Variants in CALN1 observed in about 807,000 individuals in gnomAD.
CALN1 encodes calcium-binding protein 8.
In CALN1, 17 loss-of-function variants were observed where a neutral mutation model predicts 30.6. That is an observed-to-expected ratio of 0.56 (90% CI 0.38 to 0.83). CALN1 has a LOEUF of 0.83. Ranked by LOEUF, CALN1 falls within the 40% of genes least tolerant of loss-of-function variation. The probability of loss-of-function intolerance (pLI) is 0.00; values close to 1 mark genes in which losing one functional copy is unlikely to be tolerated. For missense variants in CALN1, 291 were observed against 354.9 expected (o/e 0.82, Z 1.45); for synonymous variants, 156 against 131.4 (o/e 1.19, Z -1.28).
intron 5 of CALN1, among the ~76,000 whole-genome samples, chr7:71,958,322 C>T (rs1458742603): frequency 6.6e-6 from 1 of 152,094 alleles, no homozygotes; most frequent in Non-Finnish European, 1.5e-5. Flanking sequence ...TATTCTCATA[C>T]TGGTCTTGTT....
chr7:71,846,834 C>CATAT (rs200199028), intron 5 of CALN1, among the ~76,000 whole-genome samples: 1 of 76,970 alleles, frequency 1.3e-5, no homozygotes, highest in African/African-American at 8.1e-5. Flanking sequence ...TGTGTATATA[C>CATAT]ATGTGTATAT....
At chr7:72,276,476 G>T (rs1205455408) in intron 3 of CALN1, among the ~76,000 whole-genome samples, 1 of 152,226 alleles carries the variant, frequency 6.6e-6, no homozygotes, top group Non-Finnish European at 1.5e-5. Flanking sequence ...CAGCCCTCAT[G>T]AATGGGATTA....
At chr7:72,468,436 A>G in the CALN1 span, among the ~76,000 whole-genome samples, 1 of 152,136 alleles carries the variant, frequency 6.6e-6, no homozygotes, top group Non-Finnish European at 1.5e-5. Flanking sequence ...ACATCAGCCT[A>G]CTGAGTAGGC....
At chr7:71,949,115 G>A (rs555691095) in intron 5 of CALN1, among the ~76,000 whole-genome samples, 24 of 151,456 alleles carry the variant, frequency 1.6e-4, no homozygotes, top group Admixed American at 9.9e-4. Context: ...ATGACAGTGC[G>A]GTCTGGACTG....
rs9297115 is a variant in CALN1, at chr7:72,437,525, A to AGTGTGTGTGTGTGTGT, written c.-226+9501_-226+9516dup. On this transcript the variant is annotated intron_variant, in intron 1 of 6. Coordinates refer to the CALN1 transcript ENST00000395276. Reference sequence around the variant, plus strand: ...GAAGGTGAGAAACCCAGTTGTGTGGAGTGTGTGTGTGTGTGTGTGTGTCCA... The same window carrying AGTGTGTGTGTGTGTGT: ...GAAGGTGAGAAACCCAGTTGTGTGGAGTGTGTGTGTGTGTGTGTGTGTGTGTGTGTGTGTGTGTCCA... Among the ~76,000 whole-genome samples the AGTGTGTGTGTGTGTGT allele has an allele frequency of 5.4e-3, 809 of 150,738 alleles. 3 individuals are homozygous for AGTGTGTGTGTGTGTGT. Among genetic ancestry groups the AGTGTGTGTGTGTGTGT allele is most frequent in the Non-Finnish European group, 8.0e-3 (544 of 67,644 alleles).
At chr7:72,496,448 G>A in the CALN1 span, among the ~76,000 whole-genome samples, 189 of 152,310 alleles carry the variant, frequency 1.2e-3, no homozygotes, top group Non-Finnish European at 1.7e-3. Flanking sequence ...CATGTCCTTG[G>A]AGAGTAGCCA....
chr7:72,411,516 A>C (rs1807145460), intron 1 of CALN1, among the ~76,000 whole-genome samples: 4 of 152,276 alleles, frequency 2.6e-5, no homozygotes, highest in Admixed American at 2.6e-4. Flanking sequence ...CTTTAAAAAA[A>C]TATGGACGTA....
rs567661622 is a variant in CALN1 at position 72,008,902 on chromosome 7, C to T, written c.501+14755G>A. On this transcript the variant is annotated intron_variant, in intron 5 of 6. Coordinates refer to ENST00000395275, the MANE Select transcript of CALN1 (RefSeq NM_031468.4). ...AACAACTGACCTCAGGTGATCCACC[C>T]GCCTCCGCCTCCCAACGTGCCAGGA... Among the ~76,000 whole-genome samples, 421 of 152,078 alleles carry T rather than the reference C, an allele frequency of 2.8e-3. 2 individuals carry two copies. The highest frequency in any genetic ancestry group is 6.5e-3 in the Admixed American group (99 of 15,268).
At chr7:72,261,821 T>C (rs1419072553) in intron 3 of CALN1, among the ~76,000 whole-genome samples, 1 of 152,110 alleles carries the variant, frequency 6.6e-6, no homozygotes, top group African/African-American at 2.4e-5. Context: ...ACTCTTAATA[T>C]TGAAGTTGAT....
At chr7:71,799,766 G>A (rs982602424) in intron 6 of CALN1, among the ~76,000 whole-genome samples, 2 of 152,184 alleles carry the variant, frequency 1.3e-5, no homozygotes, top group South Asian at 2.1e-4. Flanking sequence ...ATGAGCCGCC[G>A]CGCCCAGCTG....
At chr7:72,250,276 A>G (rs1318326462) in intron 3 of CALN1, among the ~76,000 whole-genome samples, 1 of 152,216 alleles carries the variant, frequency 6.6e-6, no homozygotes, top group Non-Finnish European at 1.5e-5. Context: ...TGGAAGTCAG[A>G]CAGCCTGGGT....
chr7:72,016,767 G>A (rs1489434387), intron 5 of CALN1, among the ~76,000 whole-genome samples: 1 of 151,710 alleles, frequency 6.6e-6, no homozygotes. Context: ...TGCCATCACG[G>A]TGGGACCAGC....
intron 4 of CALN1, among the ~76,000 whole-genome samples, chr7:72,102,313 C>T (rs926929788): frequency 6.6e-6 from 1 of 151,942 alleles, no homozygotes; most frequent in Admixed American, 6.6e-5. Flanking sequence ...GGCGTGGTGG[C>T]GCACGTCTGT....
rs1162661863 is a variant in CALN1, at chr7:71,810,387, C to T, written c.607G>A (p.Glu203Lys). The T allele has an allele frequency of 1.2e-6, 2 of 1,614,022 alleles. No individual in the cohort carries two copies. Among genetic ancestry groups the T allele is most frequent in the Non-Finnish European group, 1.7e-6 (2 of 1,180,028 alleles). ...KDIENIIINE[E>K]ESLNETSGNC... ...CCCGAGGTCTCATTCAGGCTCTCTTCCTCATTGATAATGATGTTCTCAATG... is the reference window on the plus strand; with the variant it reads ...CCCGAGGTCTCATTCAGGCTCTCTTTCTCATTGATAATGATGTTCTCAATG... The change falls in exon 6 of 7, where the codon GAA (glutamate) becomes AAA (lysine). Residue 203 changes from glutamate to lysine, a missense_variant. Coordinates refer to ENST00000395275, the MANE Select transcript of CALN1 (RefSeq NM_031468.4).
rs71069044 is a variant in CALN1, at chr7:72,252,608, C to CAAAA, written c.244+26074_244+26077dup. Among the ~76,000 whole-genome samples, 655 of 137,352 alleles carry CAAAA rather than the reference C, an allele frequency of 4.8e-3. 5 individuals are homozygous for CAAAA. Among genetic ancestry groups the CAAAA allele is most frequent in the South Asian group, 0.01 (43 of 4,134 alleles). The allele number at this position is 137,352 out of a possible 152,430, so 90.1% of individuals were successfully genotyped here. A position where few individuals can be genotyped will look rare whatever the true frequency, so the allele number is the denominator to read the frequency against. ...TGAATGACAGAGCAAGACCCTGTCT[C>CAAAA]AAAAAAAAAAAAAGAAAGACAGAGG... On this transcript the variant is annotated intron_variant, in intron 3 of 6. Transcript: ENST00000395275.
At chr7:72,220,844 C>T (rs1294606082) in intron 3 of CALN1, among the ~76,000 whole-genome samples, 7 of 152,158 alleles carry the variant, frequency 4.6e-5, no homozygotes, top group African/African-American at 9.6e-5. Context: ...ATGTCTTCTT[C>T]TGAGAAGTGT....
intron 2 of CALN1, among the ~76,000 whole-genome samples, chr7:72,323,691 C>T (rs1351729445): frequency 6.7e-6 from 1 of 149,106 alleles, no homozygotes; most frequent in Admixed American, 6.7e-5. Context: ...ATAAAGAGAA[C>T]AAAAAGAGAA....
At chr7:71,980,187 CTTTTT>C (rs60273576) in intron 5 of CALN1, among the ~76,000 whole-genome samples, 2 of 107,268 alleles carry the variant, frequency 1.9e-5, no homozygotes, top group Non-Finnish European at 2.0e-5. Context: ...TCTTCTTTTT[CTTTTT>C]TTTTTTTTTT....
intron 5 of CALN1, among the ~76,000 whole-genome samples, chr7:71,811,683 T>C (rs1020677485): frequency 1.6e-4 from 10 of 64,094 alleles, no homozygotes; most frequent in East Asian, 1.2e-3. Flanking sequence ...TTTCTTTTTT[T>C]TTTTTTTTTT....
Sources: allele counts gnomAD v4.1 joint callset (sites outside exome capture counted in the v4.1 genomes callset), GRCh38; gene constraint gnomAD v4.1.1; transcripts MANE v1.5; gene names NCBI Gene and HGNC (gene_info 2026-07-23, HGNC 2026-07-21).